Variants in CSNK2A2IP observed in about 807,000 individuals in gnomAD.
CSNK2A2IP encodes casein kinase II subunit alpha'-interacting protein.
chr3:88,408,647 G>A, the CSNK2A2IP span, among the ~76,000 whole-genome samples: 2 of 151,942 alleles, frequency 1.3e-5, no homozygotes, highest in South Asian at 2.1e-4. Flanking sequence ...ATAGCGTGGA[G>A]CAGTATAAAT....
At chr3:88,464,897 C>G in the CSNK2A2IP span, among the ~76,000 whole-genome samples, 137 of 152,156 alleles carry the variant, frequency 9.0e-4, 1 homozygote, top group African/African-American at 3.2e-3. Flanking sequence ...GTCTATTTTA[C>G]AGATGATGAA....
At chr3:88,440,339 A>C in the CSNK2A2IP span, among the ~76,000 whole-genome samples, 1 of 152,218 alleles carries the variant, frequency 6.6e-6, no homozygotes, top group Non-Finnish European at 1.5e-5. Flanking sequence ...GTAACAATAC[A>C]AATTGAGTAA....
At chr3:88,407,292 C>CAAA in the CSNK2A2IP span, among the ~76,000 whole-genome samples, 575 of 102,858 alleles carry the variant, frequency 5.6e-3, 10 homozygotes, top group Admixed American at 0.022. Flanking sequence ...CAGAAAAGTC[C>CAAA]AAAAAAAAAA....
At chr3:88,460,599 G>A in the CSNK2A2IP span, among the ~76,000 whole-genome samples, 52,975 of 151,740 alleles carry the variant, frequency 0.35, 10,653 homozygotes, top group Non-Finnish European at 0.47. Context: ...TTTTATTGAA[G>A]TAAAGGAACA....
the CSNK2A2IP span, among the ~76,000 whole-genome samples, chr3:88,430,869 A>G: frequency 6.6e-6 from 1 of 152,104 alleles, no homozygotes; most frequent in African/African-American, 2.4e-5. Flanking sequence ...CAGATCTTCA[A>G]GGATTAAGAG....
the CSNK2A2IP span, among the ~76,000 whole-genome samples, chr3:88,449,868 T>TAGAGAG: frequency 4.0e-5 from 3 of 74,218 alleles, no homozygotes; most frequent in South Asian, 5.3e-4. Context: ...TATATATATA[T>TAGAGAG]ATATATAGAG....
chr3:88,445,833 C>T, the CSNK2A2IP span, among the ~76,000 whole-genome samples: 1 of 152,118 alleles, frequency 6.6e-6, no homozygotes, highest in East Asian at 1.9e-4. Flanking sequence ...CACTGTGCTA[C>T]TTGGTTTCTA....
chr3:88,370,631 TCTTTTCTC>T, the CSNK2A2IP span, among the ~76,000 whole-genome samples: 183 of 150,950 alleles, frequency 1.2e-3, 2 homozygotes, highest in African/African-American at 4.1e-3. Context: ...TTTCTTTCTT[TCTTTTCTC>T]TCTCTCTTCT....
the CSNK2A2IP span, among the ~76,000 whole-genome samples, chr3:88,360,280 C>T: frequency 4.0e-5 from 6 of 151,744 alleles, no homozygotes; most frequent in East Asian, 1.2e-3. Context: ...ACTACAGGCG[C>T]CCACCACAAC....
the CSNK2A2IP span, among the ~76,000 whole-genome samples, chr3:88,361,694 C>A: frequency 1.3e-5 from 2 of 152,030 alleles, no homozygotes; most frequent in Non-Finnish European, 2.9e-5. Context: ...GTCAATATTT[C>A]TTTAAATAAA....
At chr3:88,364,097 G>A in the CSNK2A2IP span, among the ~76,000 whole-genome samples, 1 of 152,064 alleles carries the variant, frequency 6.6e-6, no homozygotes, top group Non-Finnish European at 1.5e-5. Context: ...TCAACTCAGG[G>A]ATTTCACTGG....
the CSNK2A2IP span, among the ~76,000 whole-genome samples, chr3:88,339,918 G>A: frequency 6.6e-6 from 1 of 151,842 alleles, no homozygotes; most frequent in Non-Finnish European, 1.5e-5. Context: ...GCTCTTCTGG[G>A]TCATTATTAT....
the CSNK2A2IP span, among the ~76,000 whole-genome samples, chr3:88,457,897 C>T: frequency 2.9e-3 from 436 of 151,694 alleles, 2 homozygotes; most frequent in African/African-American, 9.8e-3. Context: ...GAAATTTCTT[C>T]TATGGGAAGC....
the CSNK2A2IP span, among the ~76,000 whole-genome samples, chr3:88,420,839 C>A: frequency 1.3e-4 from 20 of 152,094 alleles, no homozygotes; most frequent in African/African-American, 4.1e-4. Flanking sequence ...CTGGTTTGGT[C>A]CAATCAGAAA....
At chr3:88,453,294 A>G in the CSNK2A2IP span, among the ~76,000 whole-genome samples, 3 of 152,110 alleles carry the variant, frequency 2.0e-5, no homozygotes, top group Admixed American at 2.0e-4. Context: ...GCCTAATGGT[A>G]TTTTAGATAT....
the CSNK2A2IP span, among the ~76,000 whole-genome samples, chr3:88,445,571 C>T: frequency 2.3e-3 from 344 of 151,786 alleles, 3 homozygotes; most frequent in South Asian, 0.022. Flanking sequence ...TTATTTTTTT[C>T]TTTTACAGAC....
chr3:88,405,939 T>C, the CSNK2A2IP span, among the ~76,000 whole-genome samples: 6 of 152,008 alleles, frequency 3.9e-5, no homozygotes, highest in Non-Finnish European at 7.4e-5. Flanking sequence ...TCTAAGTAAA[T>C]CATTCATTTC....
chr3:88,341,630 A>G, the CSNK2A2IP span, among the ~76,000 whole-genome samples: 1 of 151,714 alleles, frequency 6.6e-6, no homozygotes, highest in South Asian at 2.1e-4. Context: ...AAAAACTCTT[A>G]CTACTTTTAG....
At chr3:88,449,232 A>AT in the CSNK2A2IP span, among the ~76,000 whole-genome samples, 19 of 152,078 alleles carry the variant, frequency 1.2e-4, no homozygotes, top group African/African-American at 3.4e-4. Context: ...AAAACCAAAC[A>AT]TTTTCCTTTT....
Sources: allele counts gnomAD v4.1 joint callset (sites outside exome capture counted in the v4.1 genomes callset), GRCh38; gene constraint gnomAD v4.1.1; transcripts MANE v1.5; gene names NCBI Gene and HGNC (gene_info 2026-07-23, HGNC 2026-07-21).